The following SLC25A21 variants were observed in gnomAD, a reference collection of about 807,000 sequenced individuals.
The protein encoded by SLC25A21 is mitochondrial 2-oxodicarboxylate carrier.
A neutral mutation model predicts 43.8 loss-of-function variants in SLC25A21; 47 were observed. The observed-to-expected ratio is 1.07, with a 90% CI of 0.85 to 1.37. The LOEUF is 1.37. Among genes scored for constraint, SLC25A21 ranks in the 40% most tolerant of loss-of-function variants. The pLI is 0.00. For synonymous variants in SLC25A21, 131 were observed against 121.3 expected (o/e 1.08, Z -0.52); for missense variants, 352 against 350.2 (o/e 1.00, Z -0.04).
At chr14:37,025,122 T>A (rs1201393349) in intron 1 of SLC25A21, among the ~76,000 whole-genome samples, 1 of 152,098 alleles carries the variant, frequency 6.6e-6, no homozygotes, top group African/African-American at 2.4e-5. Context: ...GAGTTAGAGC[T>A]ACACTACCGT....
At chr14:37,090,622 AG>A (rs149255736) in intron 1 of SLC25A21, among the ~76,000 whole-genome samples, 6,637 of 152,266 alleles carry the variant, frequency 0.044, 484 homozygotes, top group African/African-American at 0.15. Context: ...TACAGTTAGA[AG>A]GGTCCCAGTT....
rs549810714 is a variant in SLC25A21 at position 37,128,929 on chromosome 14, A to G, written c.70+43352T>C. ...TGGTTAGCACAAATTCATAATCTAA[A>G]TGATGCTGTTCAATACAGTAAAAGC... is the stretch of plus-strand genomic sequence containing the variant. On this transcript the variant is annotated intron_variant, in intron 1 of 9. Coordinates refer to ENST00000331299, the MANE Select transcript of SLC25A21 (RefSeq NM_030631.4). 9.9e-5 allele frequency among the ~76,000 whole-genome samples: 15 copies of G among 152,270 alleles called. 1 individual carries two copies. The highest frequency in any genetic ancestry group is 3.6e-4 in the African/African-American group (15 of 41,560).
chr14:36,967,062 T>C (rs895337586), intron 1 of SLC25A21, among the ~76,000 whole-genome samples: 6 of 152,206 alleles, frequency 3.9e-5, no homozygotes, highest in Admixed American at 3.9e-4. Context: ...CAACCAACTC[T>C]TGTATGAGAA....
At chr14:37,130,087 C>CA (rs111382394) in intron 1 of SLC25A21, among the ~76,000 whole-genome samples, 110,905 of 121,094 alleles carry the variant, frequency 0.92, 50,756 homozygotes, top group Middle Eastern at 0.97. Flanking sequence ...CCTGTCTCTA[C>CA]AAAAAAAAAA....
chr14:36,747,449 A>C (rs1332589799), intron 3 of SLC25A21, among the ~76,000 whole-genome samples: 1 of 152,184 alleles, frequency 6.6e-6, no homozygotes, highest in Non-Finnish European at 1.5e-5. Context: ...GAATTAGTAC[A>C]TTGTTGTTAG....
chr14:36,982,692 G>A (rs1210530208), intron 1 of SLC25A21, among the ~76,000 whole-genome samples: 2 of 152,100 alleles, frequency 1.3e-5, no homozygotes, highest in East Asian at 3.9e-4. Flanking sequence ...GCACACACCT[G>A]TAGTCCCAGC....
intron 1 of SLC25A21, among the ~76,000 whole-genome samples, chr14:37,004,570 CT>C (rs1439055359): frequency 6.6e-6 from 1 of 152,194 alleles, no homozygotes; most frequent in Non-Finnish European, 1.5e-5. Context: ...CACCAAGTGG[CT>C]AATGATTAGG....
At chr14:37,153,270 A>G (rs1175108073) in intron 1 of SLC25A21, among the ~76,000 whole-genome samples, 1 of 152,234 alleles carries the variant, frequency 6.6e-6, no homozygotes, top group Non-Finnish European at 1.5e-5. Context: ...AGCCTCTCAT[A>G]AACTGCACAC....
intron 2 of SLC25A21, among the ~76,000 whole-genome samples, chr14:36,846,657 C>T (rs534679678): frequency 1.3e-5 from 2 of 152,342 alleles, no homozygotes; most frequent in South Asian, 2.1e-4. Flanking sequence ...GCTGGAATTA[C>T]AGGCATGAGC....
intron 1 of SLC25A21, among the ~76,000 whole-genome samples, chr14:37,127,357 C>T (rs1020215458): frequency 1.3e-5 from 2 of 152,136 alleles, no homozygotes; most frequent in Non-Finnish European, 2.9e-5. Flanking sequence ...GCTGCCTCTA[C>T]GAAAAGATGA....
intron 3 of SLC25A21, among the ~76,000 whole-genome samples, chr14:36,806,305 C>T (rs1431540483): frequency 6.6e-6 from 1 of 151,984 alleles, no homozygotes; most frequent in African/African-American, 2.4e-5. Flanking sequence ...AATTCTAGTG[C>T]TCCATAGCAC....
intron 2 of SLC25A21, among the ~76,000 whole-genome samples, chr14:36,825,386 T>C (rs1245348111): frequency 6.6e-6 from 1 of 152,160 alleles, no homozygotes; most frequent in East Asian, 1.9e-4. Flanking sequence ...AAATTACATG[T>C]TAAAAATAAT....
intron 3 of SLC25A21, among the ~76,000 whole-genome samples, chr14:36,782,010 G>C (rs1393494165): frequency 6.6e-6 from 1 of 152,146 alleles, no homozygotes; most frequent in East Asian, 1.9e-4. Flanking sequence ...TCAGGTAAGA[G>C]TCTTGGTTGG....
intron 1 of SLC25A21, among the ~76,000 whole-genome samples, chr14:36,888,655 A>G (rs550525429): frequency 1.3e-5 from 2 of 152,264 alleles, no homozygotes; most frequent in Admixed American, 6.5e-5. Flanking sequence ...ACAAGAAGAA[A>G]GAGGAAATGT....
intron 1 of SLC25A21, among the ~76,000 whole-genome samples, chr14:37,005,497 G>C (rs1443114728): frequency 6.6e-6 from 1 of 151,840 alleles, no homozygotes; most frequent in African/African-American, 2.4e-5. Context: ...TTCTTTTTTA[G>C]AAAATAAAAA....
Position 36,923,264 on chromosome 14 carries a change from C to T in SLC25A21, c.71-48260G>A, listed in dbSNP as rs574142566. On this transcript the variant is annotated intron_variant, in intron 1 of 9. Transcript: ENST00000331299. ...CAAAGATAACAGTGACAGCACAATTCTTATCAGAAATTTTAAGCCAAAAGC... is the reference window on the plus strand; with the variant it reads ...CAAAGATAACAGTGACAGCACAATTTTTATCAGAAATTTTAAGCCAAAAGC... Among the ~76,000 whole-genome samples, 13 of 152,268 alleles carry T rather than the reference C, an allele frequency of 8.5e-5. No individual in the cohort carries two copies. The East Asian group carries it at 2.5e-3, about 29-fold the overall frequency.
At chr14:37,150,435 A>G (rs1963739455) in intron 1 of SLC25A21, among the ~76,000 whole-genome samples, 1 of 152,198 alleles carries the variant, frequency 6.6e-6, no homozygotes, top group Admixed American at 6.5e-5. Context: ...ACTCATATAC[A>G]TAAACCCATT....
intron 1 of SLC25A21, among the ~76,000 whole-genome samples, chr14:36,946,836 G>A (rs1019186349): frequency 6.6e-6 from 1 of 152,098 alleles, no homozygotes; most frequent in Admixed American, 6.5e-5. Flanking sequence ...AAGGAAGTGA[G>A]TTACTATACA....
At chr14:36,735,507 G>A (rs901914983) in intron 3 of SLC25A21, among the ~76,000 whole-genome samples, 2 of 96,858 alleles carry the variant, frequency 2.1e-5, no homozygotes, top group African/African-American at 9.1e-5. Context: ...CAGCTAACAT[G>A]GGGCTGCAGC....
Sources: allele counts gnomAD v4.1 joint callset (sites outside exome capture counted in the v4.1 genomes callset), GRCh38; gene constraint gnomAD v4.1.1; transcripts MANE v1.5; gene names NCBI Gene and HGNC (gene_info 2026-07-23, HGNC 2026-07-21).